Variants in TRMT11 observed in about 807,000 individuals in gnomAD.
TRMT11 encodes tRNA methyltransferase 11, also known as tRNA (guanine(10)-N(2))-methyltransferase TRMT11.
In TRMT11, 53 loss-of-function variants were observed where a neutral mutation model predicts 62.8. The observed-to-expected ratio is 0.84, with a 90% confidence interval of 0.68 to 1.06. The LOEUF is 1.06. Ranked by LOEUF, TRMT11 falls within the 50% of genes least tolerant of loss-of-function variation. TRMT11 has a pLI of 0.00. For synonymous variants in TRMT11, 188 were observed against 190.3 expected (o/e 0.99, Z 0.10); for missense variants, 556 against 553.4 (o/e 1.00, Z -0.05).
At chr6:126,191,757 G>A (rs1778603465) in intron 1 of TRMT11, among the ~76,000 whole-genome samples, 1 of 151,986 alleles carries the variant, frequency 6.6e-6, no homozygotes, top group African/African-American at 2.4e-5. Context: ...TTGTCTATAA[G>A]TGTACGATGT....
chr6:126,087,765 C>A (rs1777231287), intron 17 of TRMT11, among the ~76,000 whole-genome samples: 1 of 152,146 alleles, frequency 6.6e-6, no homozygotes, highest in Non-Finnish European at 1.5e-5. Context: ...TGAATTCTTC[C>A]CAACGTATTA....
chr6:125,996,084 C>G (rs1324506458), intron 3 of TRMT11, 44 bp downstream of exon 3: 5 of 1,283,216 alleles, frequency 3.9e-6, no homozygotes, highest in Middle Eastern at 1.8e-4. Flanking sequence ...ACTGGTACTT[C>G]TCATAACCAC....
At chr6:126,243,961 AG>A in the TRMT11 span, among the ~76,000 whole-genome samples, 17 of 152,330 alleles carry the variant, frequency 1.1e-4, 1 homozygote, top group Non-Finnish European at 1.6e-4. Flanking sequence ...AAAAAAGCAT[AG>A]GTAAATATCA....
chr6:126,067,086 G>T (rs1272311333), intron 17 of TRMT11, among the ~76,000 whole-genome samples: 1 of 151,846 alleles, frequency 6.6e-6, no homozygotes, highest in Non-Finnish European at 1.5e-5. Context: ...AAGTTAGCCA[G>T]TTATGGTGGT....
the TRMT11 span, among the ~76,000 whole-genome samples, chr6:126,227,847 T>G: frequency 2.0e-5 from 3 of 152,144 alleles, no homozygotes; most frequent in Non-Finnish European, 2.9e-5. Flanking sequence ...TGAGGCCACT[T>G]CCTGTTAAGT....
chr6:126,109,232 G>A (rs1777498921), intron 17 of TRMT11, among the ~76,000 whole-genome samples: 1 of 152,132 alleles, frequency 6.6e-6, no homozygotes, highest in South Asian at 2.1e-4. Context: ...TTCACCAGTT[G>A]TCCCAATGAA....
intron 1 of TRMT11, among the ~76,000 whole-genome samples, chr6:125,988,177 A>T (rs1398174978): frequency 1.3e-5 from 2 of 152,246 alleles, no homozygotes; most frequent in Non-Finnish European, 2.9e-5. Context: ...CTTTTTAGTG[A>T]GAAAAGAATG....
At chr6:126,117,059 T>A (rs1249487385) in intron 21 of TRMT11, among the ~76,000 whole-genome samples, 2 of 152,100 alleles carry the variant, frequency 1.3e-5, no homozygotes, top group Admixed American at 1.3e-4. Context: ...TTGACTATGG[T>A]CCACGATTCA....
At chr6:125,992,307 G>A (rs1230894791) in intron 1 of TRMT11, among the ~76,000 whole-genome samples, 1 of 152,160 alleles carries the variant, frequency 6.6e-6, no homozygotes, top group Admixed American at 6.5e-5. Context: ...CTTTTTAACA[G>A]TATATTCCAG....
chr6:126,139,047 T>G (rs1777884864), intron 21 of TRMT11, among the ~76,000 whole-genome samples: 1 of 152,054 alleles, frequency 6.6e-6, no homozygotes, highest in East Asian at 1.9e-4. Context: ...GGTTAATTTA[T>G]GGACCTGCAT....
the TRMT11 span, among the ~76,000 whole-genome samples, chr6:126,269,683 T>C: frequency 6.6e-6 from 1 of 152,192 alleles, no homozygotes; most frequent in African/African-American, 2.4e-5. Context: ...TGAAAAACTT[T>C]ACATATACAC....
chr6:126,189,812 A>G (rs1355362949), intron 1 of TRMT11, among the ~76,000 whole-genome samples: 2 of 152,150 alleles, frequency 1.3e-5, no homozygotes, highest in East Asian at 3.8e-4. Flanking sequence ...TTCTGTTTAT[A>G]TCTCAAAACA....
Position 126,183,820 on chromosome 6 carries a change from C to T in TRMT11, n.143+6485C>T, listed in dbSNP as rs761562727. Among the ~76,000 whole-genome samples the T allele has an allele frequency of 5.6e-5, 7 of 125,384 alleles. No homozygotes were observed. In the South Asian group the frequency reaches 1.4e-3, roughly 25 times the overall value. 82.3% of individuals were successfully genotyped at this position (125,384 alleles called of 152,430 possible). On this transcript the variant is annotated intron_variant and non_coding_transcript_variant, in intron 1 of 3. Coordinates refer to the TRMT11 transcript ENST00000444229. ...CTTCATCTTTTTAAGGCACTGGGGA[C>T]GATACGTGGGGAAGGAGGGTGGGAG...
intron 17 of TRMT11, among the ~76,000 whole-genome samples, chr6:126,104,652 G>C (rs1306687955): frequency 6.6e-6 from 1 of 152,120 alleles, no homozygotes; most frequent in Non-Finnish European, 1.5e-5. Context: ...ATGACATTTA[G>C]GTTCTAATTC....
chr6:125,990,365 CAGGT>C (rs760855026), intron 1 of TRMT11, among the ~76,000 whole-genome samples: 8 of 152,162 alleles, frequency 5.3e-5, no homozygotes, highest in Non-Finnish European at 1.0e-4. Context: ...TTCTGATTCC[CAGGT>C]ACTCACAGAG....
chr6:126,189,101 G>A (rs1014027102), intron 1 of TRMT11, among the ~76,000 whole-genome samples: 2 of 152,076 alleles, frequency 1.3e-5, no homozygotes, highest in African/African-American at 2.4e-5. Flanking sequence ...GAGCCTTTAA[G>A]GGATTTGGCG....
chr6:126,186,038 C>G (rs1424634706), intron 1 of TRMT11, among the ~76,000 whole-genome samples: 1 of 152,166 alleles, frequency 6.6e-6, no homozygotes, highest in Non-Finnish European at 1.5e-5. Flanking sequence ...CAAACCATAT[C>G]ACCCTCCATA....
chr6:126,134,964 A>G lies in TRMT11; in HGVS notation c.*1823+19109A>G, dbSNP rs185825879. 3.0e-4 allele frequency among the ~76,000 whole-genome samples: 45 copies of G among 151,912 alleles called. 1 individual carries two copies. The East Asian group carries it at 7.9e-3, about 27-fold the overall frequency. ...GAATCAAATAAAGACAGAACACAACACACCTGAACCTATGAGATACAGAAA... is the reference window on the plus strand; with the variant it reads ...GAATCAAATAAAGACAGAACACAACGCACCTGAACCTATGAGATACAGAAA... On this transcript the variant is annotated intron_variant and NMD_transcript_variant, in intron 21 of 22. Coordinates refer to the TRMT11 transcript ENST00000648977.
chr6:126,107,288 C>T (rs1476026558), intron 17 of TRMT11, among the ~76,000 whole-genome samples: 1 of 152,122 alleles, frequency 6.6e-6, no homozygotes, highest in Non-Finnish European at 1.5e-5. Context: ...AATTATAATA[C>T]AGCACACTAC....
Sources: allele counts gnomAD v4.1 joint callset (sites outside exome capture counted in the v4.1 genomes callset), GRCh38; gene constraint gnomAD v4.1.1; transcripts MANE v1.5; gene names NCBI Gene and HGNC (gene_info 2026-07-23, HGNC 2026-07-21).